The following CDIN1 variants were observed in gnomAD, a reference collection of about 807,000 sequenced individuals.
The protein encoded by CDIN1 is CDAN1 interacting nuclease 1.
In CDIN1, 33 loss-of-function variants were observed where a neutral mutation model predicts 45.3. That is an observed-to-expected ratio of 0.73 (90% CI 0.55 to 0.97). The LOEUF is 0.97. Ranked by LOEUF, CDIN1 falls within the 50% of genes least tolerant of loss-of-function variation. The pLI, the probability that CDIN1 is intolerant of heterozygous loss-of-function variation, is 0.00. For synonymous variants in CDIN1, 118 were observed against 124.4 expected (o/e 0.95, Z 0.34); for missense variants, 303 against 339.4 (o/e 0.89, Z 0.84).
intron 1 of CDIN1, among the ~76,000 whole-genome samples, chr15:36,630,227 A>ACTG (rs1276727301): frequency 6.6e-6 from 1 of 152,232 alleles, no homozygotes. Context: ...CTAGAATAGA[A>ACTG]CTGCTACAGT....
intron 10 of CDIN1, among the ~76,000 whole-genome samples, chr15:36,763,372 C>T (rs12909284): frequency 0.53 from 80,348 of 151,880 alleles, 22,239 homozygotes; most frequent in East Asian, 0.93. Context: ...TGAGTTGCCC[C>T]GTACTTTGCT....
At chr15:36,604,456 C>CACACACACACA (rs1241807342) in intron 1 of CDIN1, among the ~76,000 whole-genome samples, 1 of 151,208 alleles carries the variant, frequency 6.6e-6, no homozygotes, top group Admixed American at 6.6e-5. Context: ...CACACACACA[C>CACACACACACA]ATTTTAGAGT....
At chr15:36,733,015 C>T (rs2043887370) in intron 10 of CDIN1, among the ~76,000 whole-genome samples, 1 of 151,958 alleles carries the variant, frequency 6.6e-6, no homozygotes, top group Admixed American at 6.6e-5. Context: ...AACTTATTAG[C>T]ATACTTCTTT....
At chr15:36,759,706 C>G (rs1415223033) in intron 10 of CDIN1, among the ~76,000 whole-genome samples, 1 of 152,172 alleles carries the variant, frequency 6.6e-6, no homozygotes, top group Non-Finnish European at 1.5e-5. Flanking sequence ...AATTGACTCA[C>G]AGTTCCACAG....
chr15:36,684,601 G>A (rs1222854131), intron 5 of CDIN1, among the ~76,000 whole-genome samples: 1 of 151,994 alleles, frequency 6.6e-6, no homozygotes, highest in African/African-American at 2.4e-5. Context: ...CATAAAATGA[G>A]TTAGGGAGGA....
chr15:36,749,873 G>A (rs1054622796), intron 10 of CDIN1, among the ~76,000 whole-genome samples: 1 of 152,202 alleles, frequency 6.6e-6, no homozygotes, highest in Non-Finnish European at 1.5e-5. Flanking sequence ...GGGCATTGGT[G>A]CTGGGAGGTG....
chr15:36,800,225 A>G (rs534212139), intron 10 of CDIN1, among the ~76,000 whole-genome samples: 2 of 152,316 alleles, frequency 1.3e-5, no homozygotes, highest in Non-Finnish European at 2.9e-5. Flanking sequence ...TTTCATAGCC[A>G]ACATGCATAG....
chr15:36,589,487 A>G (rs762479034), intron 1 of CDIN1, among the ~76,000 whole-genome samples: 6 of 149,620 alleles, frequency 4.0e-5, no homozygotes, highest in Non-Finnish European at 8.9e-5. Flanking sequence ...TCCTAACTGA[A>G]TGACAGTTCT....
At chr15:36,758,372 G>A (rs2053665350) in intron 10 of CDIN1, among the ~76,000 whole-genome samples, 1 of 151,998 alleles carries the variant, frequency 6.6e-6, no homozygotes, top group Admixed American at 6.6e-5. Flanking sequence ...GTTTCATTGG[G>A]GACAATCTTT....
At chr15:36,749,405 T>C (rs1479174744) in intron 10 of CDIN1, among the ~76,000 whole-genome samples, 1 of 152,208 alleles carries the variant, frequency 6.6e-6, no homozygotes, top group Non-Finnish European at 1.5e-5. Context: ...CAGTGCCTTT[T>C]GTCCTTTAGG....
chr15:36,732,393 A>C (rs1157010627), intron 10 of CDIN1, among the ~76,000 whole-genome samples: 1 of 152,144 alleles, frequency 6.6e-6, no homozygotes, highest in African/African-American at 2.4e-5. Flanking sequence ...ACTACAAAAA[A>C]AAAATCACAT....
At position 36,702,135 on chromosome 15, in the gene CDIN1, G is replaced by A. The variant is rs1286264357; in HGVS notation, c.544+4745G>A. 1.3e-5 allele frequency: 9 copies of A among 701,946 alleles called. No homozygotes were observed. The East Asian group carries it at 2.4e-4, about 19-fold the overall frequency. The allele number at this position is 701,946 out of a possible 1,614,324, so 43.5% of individuals were successfully genotyped here. On this transcript the variant is annotated intron_variant, in intron 8 of 10. Transcript: ENST00000566621. The stretch of plus-strand genomic sequence containing the variant: ...GGAACATACGATTATGTAGGCTGAA[G>A]GGAATGGAGATGGCTGGGTATTTCA...
In CDIN1 at chr15:36,688,286, G is replaced by A. The variant is rs1232083800; in HGVS notation, c.347-3399G>A. ...AAAAAGCTTATACAAATTAATATGA[G>A]ACTATCTAAAGCAAATTTATTGCAG... On this transcript the variant is annotated intron_variant, in intron 5 of 10. Coordinates refer to ENST00000566621, the MANE Select transcript of CDIN1 (RefSeq NM_001321759.2). Among the ~76,000 whole-genome samples, 5 of 151,766 alleles carry A rather than the reference G, an allele frequency of 3.3e-5. No homozygotes were observed. The South Asian group carries it at 1.0e-3, about 32-fold the overall frequency.
chr15:36,688,234 C>T (rs759876843), intron 5 of CDIN1, among the ~76,000 whole-genome samples: 3 of 151,428 alleles, frequency 2.0e-5, no homozygotes. Context: ...TAAAACTAAC[C>T]TCTAGCAAGA....
intron 10 of CDIN1, among the ~76,000 whole-genome samples, chr15:36,715,447 G>A (rs1350373478): frequency 2.6e-5 from 4 of 152,142 alleles, no homozygotes; most frequent in African/African-American, 9.7e-5. Context: ...CATGGCCAAA[G>A]TTTTTCCTGT....
intron 10 of CDIN1, among the ~76,000 whole-genome samples, chr15:36,786,524 G>C (rs1000049932): frequency 1.3e-5 from 2 of 152,022 alleles, no homozygotes; most frequent in African/African-American, 4.8e-5. Flanking sequence ...GTGTCCTTCT[G>C]ATTGAGTCTG....
intron 8 of CDIN1, chr15:36,706,113 A>T (rs888738222): frequency 6.6e-5 from 10 of 152,174 alleles, no homozygotes; most frequent in African/African-American, 2.4e-4. Context: ...GCTCAAACAT[A>T]TGCAGTTTTA....
intron 10 of CDIN1, among the ~76,000 whole-genome samples, chr15:36,728,515 G>A (rs1172809286): frequency 2.7e-5 from 4 of 150,738 alleles, no homozygotes; most frequent in Non-Finnish European, 1.5e-5. Flanking sequence ...GCTATCGATA[G>A]CTCCACCTCT....
intron 10 of CDIN1, among the ~76,000 whole-genome samples, chr15:36,797,898 T>A (rs1244042121): frequency 6.6e-6 from 1 of 150,968 alleles, no homozygotes; most frequent in African/African-American, 2.4e-5. Context: ...GAGAATCATT[T>A]GAACCTGGGA....
Sources: gnomAD v4.1 joint callset for allele counts (sites outside exome capture counted in the v4.1 genomes callset) on GRCh38, gnomAD v4.1.1 for gene constraint, MANE v1.5 for transcripts, NCBI Gene and HGNC (gene_info 2026-07-23, HGNC 2026-07-21) for gene names.